The following MARCHF7 variants were observed in gnomAD, a reference collection of about 807,000 sequenced individuals.
MARCHF7 encodes E3 ubiquitin-protein ligase MARCHF7.
In MARCHF7, 20 loss-of-function variants were observed where a neutral mutation model predicts 76.5. That is an observed-to-expected ratio of 0.26 (90% CI 0.18 to 0.38). MARCHF7 has a LOEUF of 0.38. MARCHF7 is among the 10% of genes least tolerant of loss of function. The pLI is 1.00. For missense variants in MARCHF7, 797 were observed against 812.9 expected (o/e 0.98, Z 0.24); for synonymous variants, 295 against 293.0 (o/e 1.01, Z -0.07).
intron 3 of MARCHF7, among the ~76,000 whole-genome samples, chr2:159,728,353 A>G (rs377349637): frequency 6.6e-6 from 1 of 152,230 alleles, no homozygotes; most frequent in Non-Finnish European, 1.5e-5. Context: ...AAGAAAGTTC[A>G]TTCATTCTTA....
intron 5 of MARCHF7, among the ~76,000 whole-genome samples, chr2:159,744,657 A>G (rs542840698): frequency 1.6e-4 from 25 of 152,374 alleles, no homozygotes; most frequent in African/African-American, 5.0e-4. Flanking sequence ...GCCATGGGAA[A>G]GACGTGCCTA....
In MARCHF7 at chr2:159,766,976, A is replaced by G. The variant is rs142948370; in HGVS notation, c.2057-308A>G. ...TCCTAGTGTTTATATATCATTAGCT[A>G]CTATGAACACAGATTGATCTCAGAA... On this transcript the variant is annotated intron_variant, in intron 11 of 11. Coordinates refer to ENST00000409175, the MANE Select transcript of MARCHF7 (RefSeq NM_001282805.2). Among the ~76,000 whole-genome samples, 322 of 152,116 alleles carry G rather than the reference A, an allele frequency of 2.1e-3. 4 individuals carry two copies. Among genetic ancestry groups the G allele is most frequent in the Admixed American group, 9.9e-3 (152 of 15,296 alleles).
At chr2:159,731,634 G>T (rs907008609) in intron 4 of MARCHF7, among the ~76,000 whole-genome samples, 3 of 151,756 alleles carry the variant, frequency 2.0e-5, no homozygotes, top group African/African-American at 7.3e-5. Flanking sequence ...CATGCCTGTA[G>T]TCCTAGCTAC....
chr2:159,743,361 C>A, intron 5 of MARCHF7, 108 bp downstream of exon 5: 2 of 1,009,726 alleles, frequency 2.0e-6, no homozygotes, highest in Non-Finnish European at 2.9e-6. Flanking sequence ...GACAGTGGGT[C>A]AGAAATGTAG....
At chr2:159,733,841 C>T (rs778397155) in intron 4 of MARCHF7, 8 of 1,177,008 alleles carry the variant, frequency 6.8e-6, no homozygotes, top group Middle Eastern at 2.2e-4. Flanking sequence ...CTCACTTACA[C>T]GATTATTATG....
At chr2:159,751,566 T>C (rs1404038157) in intron 7 of MARCHF7, among the ~76,000 whole-genome samples, 1 of 152,224 alleles carries the variant, frequency 6.6e-6, no homozygotes, top group East Asian at 1.9e-4. Context: ...TTTTCACAAA[T>C]CTTTTGCTAA....
chr2:159,725,184 T>C (rs959317032), intron 3 of MARCHF7, among the ~76,000 whole-genome samples: 34 of 152,328 alleles, frequency 2.2e-4, no homozygotes, highest in African/African-American at 7.7e-4. Context: ...TTATAATCCT[T>C]TGGGTATATA....
intron 3 of MARCHF7, among the ~76,000 whole-genome samples, chr2:159,722,794 T>C (rs1347711478): frequency 6.6e-6 from 1 of 152,238 alleles, no homozygotes; most frequent in Non-Finnish European, 1.5e-5. Flanking sequence ...CAAAATTCAA[T>C]CAATTTATGT....
chr2:159,730,134 C>G (rs1307382583), intron 4 of MARCHF7, among the ~76,000 whole-genome samples: 3 of 152,156 alleles, frequency 2.0e-5, no homozygotes, highest in Non-Finnish European at 4.4e-5. Context: ...AACTCTGGCT[C>G]AAATGACTCT....
At chr2:159,747,695 A>G in intron 6 of MARCHF7, 110 bp from the exon 7 acceptor site, 2 of 995,752 alleles carry the variant, frequency 2.0e-6, no homozygotes, top group Non-Finnish European at 3.0e-6. Context: ...GTTACAATAT[A>G]ACAGTATTAA....
At chr2:159,748,961 T>C (rs1413902352) in intron 7 of MARCHF7, 58 bp downstream of exon 7, 10 of 1,287,672 alleles carry the variant, frequency 7.8e-6, no homozygotes, top group Non-Finnish European at 1.0e-5. Context: ...GAACTCTTCA[T>C]TTCTTTTTTT....
Position 159,752,389 on chromosome 2 carries a change from C to A in MARCHF7, c.1614-13C>A, listed in dbSNP as rs199826629. The A allele has an allele frequency of 9.7e-5, 151 of 1,559,056 alleles. No individual in the cohort carries two copies. Among genetic ancestry groups the A allele is most frequent in the Admixed American group, 1.2e-4 (6 of 49,876 alleles). ...AGTTATGATAGCTTTGGGAAATGTGCCTTCTTTTCCAGCCTCCTTTTAGAG... is the reference window on the plus strand; with the variant it reads ...AGTTATGATAGCTTTGGGAAATGTGACTTCTTTTCCAGCCTCCTTTTAGAG... On this transcript the variant is annotated splice_polypyrimidine_tract_variant and intron_variant, in intron 7 of 11. Coordinates refer to ENST00000409175, the MANE Select transcript of MARCHF7 (RefSeq NM_001282805.2).
intron 3 of MARCHF7, among the ~76,000 whole-genome samples, chr2:159,717,179 T>TA (rs1042453655): frequency 7.0e-6 from 1 of 143,420 alleles, no homozygotes; most frequent in African/African-American, 2.4e-5. Flanking sequence ...TTGAAAATCT[T>TA]ACAGTGTCAC....
chr2:159,748,977 TC>T (rs371758273), intron 7 of MARCHF7, 74 bp downstream of exon 7: 191,002 of 641,092 alleles, frequency 0.3, 17,929 homozygotes, highest in African/African-American at 0.55. Context: ...TTTTTTCTTT[TC>T]TTTTTTTTTT....
chr2:159,742,936 CAAA>C (rs67868976), intron 4 of MARCHF7, 122 bp from the exon 5 acceptor site: 35 of 765,798 alleles, frequency 4.6e-5, no homozygotes, highest in Middle Eastern at 5.6e-4. Context: ...GACTCAGTCT[CAAA>C]AAAAAAAAAG....
chr2:159,747,141 A>G (rs1405589613), intron 6 of MARCHF7, among the ~76,000 whole-genome samples: 2 of 152,204 alleles, frequency 1.3e-5, no homozygotes, highest in African/African-American at 2.4e-5. Context: ...CAGTTAAGGA[A>G]TCCTTTGAAA....
At chr2:159,718,202 CT>C (rs1701252603) in intron 3 of MARCHF7, among the ~76,000 whole-genome samples, 1 of 152,130 alleles carries the variant, frequency 6.6e-6, no homozygotes, top group African/African-American at 2.4e-5. Context: ...GAGGGGCAGA[CT>C]TTGAAGCTTG....
rs902465537 is a variant in MARCHF7 at position 159,771,016 on chromosome 2, T to G, written c.*3674T>G. 2 of 152,218 alleles carry G rather than the reference T, an allele frequency of 1.3e-5. No homozygotes were observed. The highest frequency in any genetic ancestry group is 2.4e-5 in the African/African-American group (1 of 41,460). The allele number at this position is 152,218 out of a possible 1,614,324, so 9.4% of individuals were successfully genotyped here. A position where few individuals can be genotyped will look rare whatever the true frequency, so the allele number is the denominator to read the frequency against. ...TGTACAATAAATGCACTGAAAACTT[T>G]GATCACTGTCACTACAGTTGTACTT... On this transcript the variant is annotated 3_prime_UTR_variant, in exon 12 of 12. Coordinates refer to ENST00000409175, the MANE Select transcript of MARCHF7 (RefSeq NM_001282805.2).
chr2:159,733,614 G>A (rs2125447589), intron 4 of MARCHF7: 1 of 984,778 alleles, frequency 1.0e-6, no homozygotes, highest in Non-Finnish European at 1.2e-6. Flanking sequence ...TAAAACTTCT[G>A]TTATCTCAGG....
Sources: allele counts gnomAD v4.1 joint callset (sites outside exome capture counted in the v4.1 genomes callset), GRCh38; gene constraint gnomAD v4.1.1; transcripts MANE v1.5; gene names NCBI Gene and HGNC (gene_info 2026-07-23, HGNC 2026-07-21).